RSU1: variants seen among roughly 807,000 people sequenced by gnomAD.
The protein encoded by RSU1 is rsu-1.
A neutral mutation model predicts 31.1 loss-of-function variants in RSU1; 26 were observed. The ratio of observed to expected loss-of-function variants is 0.84; its 90% CI spans 0.61 to 1.16. The LOEUF (loss-of-function observed/expected upper bound fraction) is 1.16, where lower values mean the gene tolerates loss of function less well. Ranked by LOEUF, RSU1 falls within the 50% of genes most tolerant of loss-of-function variation. The probability of loss-of-function intolerance (pLI) is 0.00; values close to 1 mark genes in which losing one functional copy is unlikely to be tolerated. For missense variants in RSU1, 320 were observed against 339.1 expected (o/e 0.94, Z 0.44); for synonymous variants, 164 against 136.3 (o/e 1.20, Z -1.41).
intron 8 of RSU1, among the ~76,000 whole-genome samples, chr10:16,643,686 T>A (rs528199881): frequency 3.5e-4 from 54 of 152,278 alleles, no homozygotes; most frequent in Non-Finnish European, 2.1e-4. Flanking sequence ...TGTGTCTCAG[T>A]TTCCAAATCT....
At chr10:16,689,474 G>A (rs181688107) in intron 8 of RSU1, among the ~76,000 whole-genome samples, 7 of 152,170 alleles carry the variant, frequency 4.6e-5, no homozygotes, top group African/African-American at 1.2e-4. Context: ...GCCCATGTAC[G>A]TCCATTACAG....
chr10:16,634,086 T>C (rs1834305102), intron 8 of RSU1, among the ~76,000 whole-genome samples: 1 of 152,240 alleles, frequency 6.6e-6, no homozygotes, highest in Non-Finnish European at 1.5e-5. Flanking sequence ...CCTCAGTCTT[T>C]GGCGAAGTAC....
intron 8 of RSU1, among the ~76,000 whole-genome samples, chr10:16,638,478 A>G (rs928378418): frequency 6.6e-6 from 1 of 152,204 alleles, no homozygotes; most frequent in African/African-American, 2.4e-5. Context: ...ATAAACTAGC[A>G]CGGCATCTGC....
intron 8 of RSU1, among the ~76,000 whole-genome samples, chr10:16,682,357 A>G (rs1477442009): frequency 6.6e-6 from 1 of 152,176 alleles, no homozygotes; most frequent in Non-Finnish European, 1.5e-5. Flanking sequence ...AATGTTGACT[A>G]AACAGACCCA....
At chr10:16,627,158 GC>G (rs1264699125) in intron 8 of RSU1, among the ~76,000 whole-genome samples, 1 of 152,224 alleles carries the variant, frequency 6.6e-6, no homozygotes, top group Non-Finnish European at 1.5e-5. Context: ...CTATCAGTCT[GC>G]AGTTACAGCT....
intron 7 of RSU1, among the ~76,000 whole-genome samples, chr10:16,704,760 GT>G (rs1835860879): frequency 6.6e-6 from 1 of 152,122 alleles, no homozygotes; most frequent in East Asian, 1.9e-4. Flanking sequence ...TTTTTGATTA[GT>G]TTTTTTGGTT....
At chr10:16,632,126 C>T (rs1834261627) in intron 8 of RSU1, among the ~76,000 whole-genome samples, 3 of 152,132 alleles carry the variant, frequency 2.0e-5, no homozygotes, top group South Asian at 2.1e-4. Context: ...ACACTTGCAT[C>T]ATTATCTTTG....
chr10:16,794,725 A>G (rs1264665919), intron 2 of RSU1, among the ~76,000 whole-genome samples: 1 of 152,238 alleles, frequency 6.6e-6, no homozygotes, highest in Non-Finnish European at 1.5e-5. Context: ...TCTTCTTTGC[A>G]AACTGGAAAA....
intron 7 of RSU1, among the ~76,000 whole-genome samples, chr10:16,711,921 T>C (rs1836029264): frequency 6.6e-6 from 1 of 152,206 alleles, no homozygotes; most frequent in South Asian, 2.1e-4. Flanking sequence ...AGTTTTAGTC[T>C]GATATTTCTT....
At chr10:16,654,382 G>T (rs1834736488) in intron 8 of RSU1, among the ~76,000 whole-genome samples, 1 of 127,768 alleles carries the variant, frequency 7.8e-6, no homozygotes, top group Non-Finnish European at 1.6e-5. Flanking sequence ...AAAAAAAAAG[G>T]AAATTGGCCA....
intron 7 of RSU1, among the ~76,000 whole-genome samples, chr10:16,729,571 C>T (rs932926487): frequency 2.6e-5 from 4 of 152,158 alleles, no homozygotes; most frequent in Non-Finnish European, 5.9e-5. Context: ...CCCCCGTCTT[C>T]GCTACTCCTT....
At chr10:16,776,253 T>G (rs1837528422) in intron 3 of RSU1, among the ~76,000 whole-genome samples, 1 of 152,216 alleles carries the variant, frequency 6.6e-6, no homozygotes, top group African/African-American at 2.4e-5. Context: ...TCTACAAATT[T>G]TAAGAATGCA....
At chr10:16,706,797 T>C (rs1331194540) in intron 7 of RSU1, among the ~76,000 whole-genome samples, 1 of 152,180 alleles carries the variant, frequency 6.6e-6, no homozygotes, top group Non-Finnish European at 1.5e-5. Flanking sequence ...ACAGTCAGTC[T>C]ACTGTGTAAC....
rs17138881 is a variant in RSU1 at position 16,624,132 on chromosome 10, T to C, written c.732-30636A>G. Among the ~76,000 whole-genome samples the C allele has an allele frequency of 5.2e-3, 796 of 152,240 alleles. 7 individuals carry two copies. The highest frequency in any genetic ancestry group is 0.018 in the African/African-American group (754 of 41,526). On this transcript the variant is annotated intron_variant, in intron 8 of 8. Transcript: ENST00000345264. ...GTCATGTCAACTACACATAGTGTAT[T>C]GAGTCCCCTCTTTGACCACTTCCCC...
At chr10:16,735,830 G>C (rs904816259) in intron 7 of RSU1, among the ~76,000 whole-genome samples, 1 of 152,114 alleles carries the variant, frequency 6.6e-6, no homozygotes, top group Non-Finnish European at 1.5e-5. Flanking sequence ...CTCCCACTGG[G>C]TCCCTCCCAT....
chr10:16,814,981 CCT>C (rs1838496525), intron 2 of RSU1, among the ~76,000 whole-genome samples: 1 of 152,272 alleles, frequency 6.6e-6, no homozygotes, highest in Non-Finnish European at 1.5e-5. Flanking sequence ...CTGAAAGCAG[CCT>C]CTCTTCTACC....
intron 2 of RSU1, among the ~76,000 whole-genome samples, chr10:16,805,597 A>G (rs1838249941): frequency 6.9e-6 from 1 of 144,282 alleles, no homozygotes; most frequent in South Asian, 2.3e-4. Context: ...AATGGCGTGA[A>G]CCCGGGAGGC....
At position 16,686,342 on chromosome 10, in the gene RSU1, C is replaced by T. The variant is rs377162326; in HGVS notation, c.731+8681G>A. On this transcript the variant is annotated intron_variant, in intron 8 of 8. Transcript: ENST00000345264. ...TTCATCTCAGCTGAATAGAAAGCAT[C>T]AAGCATTGAACTTTTAAGACTCCTG... 1.6e-4 allele frequency among the ~76,000 whole-genome samples: 24 copies of T among 152,250 alleles called. No individual in the cohort carries two copies. The East Asian group carries it at 3.7e-3, about 23-fold the overall frequency.
At chr10:16,707,696 G>C (rs535313945) in intron 7 of RSU1, among the ~76,000 whole-genome samples, 23 of 150,742 alleles carry the variant, frequency 1.5e-4, no homozygotes, top group East Asian at 1.4e-3. Context: ...AGCTTCCTTT[G>C]CTGTGCAAAA....
Sources: gnomAD v4.1 joint callset for allele counts (sites outside exome capture counted in the v4.1 genomes callset) on GRCh38, gnomAD v4.1.1 for gene constraint, MANE v1.5 for transcripts, NCBI Gene and HGNC (gene_info 2026-07-23, HGNC 2026-07-21) for gene names.